The following ATP1B2 variants were observed in gnomAD, a reference collection of about 807,000 sequenced individuals.
ATP1B2 encodes the protein sodium/potassium-transporting ATPase subunit beta-2.
A neutral mutation model predicts 37.3 loss-of-function variants in ATP1B2; 12 were observed. The ratio of observed to expected loss-of-function variants is 0.32; its 90% CI spans 0.21 to 0.52. The LOEUF is 0.52. Among genes scored for constraint, ATP1B2 ranks in the 20% least tolerant of loss-of-function variants. ATP1B2 has a pLI of 0.96. For missense variants in ATP1B2, 324 were observed against 391.6 expected (o/e 0.83, Z 1.46); for synonymous variants, 139 against 140.5 (o/e 0.99, Z 0.07).
upstream of ATP1B2, among the ~76,000 whole-genome samples, chr17:7,647,186 A>G (rs2072580431): frequency 6.6e-6 from 1 of 151,872 alleles, no homozygotes; most frequent in Non-Finnish European, 1.5e-5. Context: ...TTGGCTATGA[A>G]CGTGGAAAGG....
chr17:7,650,694 C>T (rs936482277), upstream of ATP1B2, among the ~76,000 whole-genome samples: 2 of 152,102 alleles, frequency 1.3e-5, no homozygotes, highest in Non-Finnish European at 2.9e-5. Context: ...CCGGACACGC[C>T]CTCTATCTCT....
Position 7,655,256 on chromosome 17 carries a change from G to T in ATP1B2, c.610-271G>T. ...TCCAGAAACTGATTCCTGAGGATGG[G>T]GTAAGAACTTGGGGTAGGAGTGGAG... On this transcript the variant is annotated intron_variant, in intron 5 of 6. Transcript: ENST00000250111. This position sits in a 1 kb window ranked among gnomAD's most constrained non-coding sequence, Gnocchi z 4.4. 3.8e-6 allele frequency: 2 copies of T among 531,284 alleles called. No homozygotes were observed. The highest frequency in any genetic ancestry group is 6.7e-6 in the Non-Finnish European group (2 of 298,868). 32.9% of individuals were successfully genotyped at this position (531,284 alleles called of 1,614,324 possible).
upstream of ATP1B2, among the ~76,000 whole-genome samples, chr17:7,647,810 C>T (rs1230145720): frequency 7.6e-6 from 1 of 132,082 alleles, no homozygotes; most frequent in Admixed American, 8.4e-5. Flanking sequence ...CAGAGTGAGA[C>T]TCCGTCTCAA....
At position 7,654,035 on chromosome 17, in the gene ATP1B2, C is replaced by T. The variant is rs1428103725; in HGVS notation, c.347-17C>T. On this transcript the variant is annotated splice_polypyrimidine_tract_variant and intron_variant, in intron 3 of 6. Coordinates refer to ENST00000250111, the MANE Select transcript of ATP1B2 (RefSeq NM_001678.5). This position sits in a 1 kb window ranked among gnomAD's most constrained non-coding sequence, Gnocchi z 4.9. Reference sequence around the variant, plus strand: ...TGGAACATCTGGCCCCTGAGTCTCTCCCTCCCACCTCTTTAGCTTACAACG... The same window carrying T: ...TGGAACATCTGGCCCCTGAGTCTCTTCCTCCCACCTCTTTAGCTTACAACG... The T allele has an allele frequency of 6.2e-7, 1 of 1,613,928 alleles. No homozygotes were observed. Among genetic ancestry groups the T allele is most frequent in the East Asian group, 2.2e-5 (1 of 44,880 alleles).
upstream of ATP1B2, among the ~76,000 whole-genome samples, chr17:7,650,015 G>A (rs1029156755): frequency 6.6e-6 from 1 of 152,138 alleles, no homozygotes; most frequent in Admixed American, 6.6e-5. Context: ...CTTAACATGT[G>A]GTATGTAGAG....
chr17:7,655,284 G>A lies in ATP1B2; in HGVS notation c.610-243G>A. On this transcript the variant is annotated intron_variant, in intron 5 of 6. Coordinates refer to ENST00000250111, the MANE Select transcript of ATP1B2 (RefSeq NM_001678.5). The surrounding 1 kb of genome is among the most constrained non-coding windows in gnomAD (Gnocchi z 4.4). ...AAGAACTTGGGGTAGGAGTGGAGTA[G>A]GAGGCTTTCGTGCCATTAGCAGCCT... 1 of 573,814 alleles carries A rather than the reference G, an allele frequency of 1.7e-6. No homozygotes were observed. The highest frequency in any genetic ancestry group is 2.1e-5 in the South Asian group (1 of 47,408). 35.5% of individuals were successfully genotyped at this position (573,814 alleles called of 1,614,324 possible).
chr17:7,653,946 G>C lies in ATP1B2; in HGVS notation c.346+1G>C. ...CAGAAGCTCAACAAGTTCTTGGAGC[G>C]TGAGTGTGGGCCTGGTTATGTGTCA... On this transcript the variant is annotated splice_donor_variant, in intron 3 of 6. Coordinates refer to ENST00000250111, the MANE Select transcript of ATP1B2 (RefSeq NM_001678.5). LOFTEE classifies it high-confidence loss of function. 2 of 1,614,118 alleles carry C rather than the reference G, an allele frequency of 1.2e-6. No homozygotes were observed. Among genetic ancestry groups the C allele is most frequent in the Non-Finnish European group, 1.7e-6 (2 of 1,179,990 alleles).
rs2072645529 is a variant in ATP1B2 at position 7,655,666 on chromosome 17, TGGTGAGCTAGGGAA to T, written c.708+44_709-49del. Reference sequence around the variant, plus strand: ...GGCCCAGGCTGATGGCGGGTGCGGGTGGTGAGCTAGGGAAGGAGGCCGCGTTGCCCCAGGCCTAG... The same window carrying T: ...GGCCCAGGCTGATGGCGGGTGCGGGTGGAGGCCGCGTTGCCCCAGGCCTAG... On this transcript the variant is annotated intron_variant, in intron 6 of 6. Transcript: ENST00000250111. The surrounding 1 kb of genome is among the most constrained non-coding windows in gnomAD (Gnocchi z 4.4). 1.2e-6 allele frequency: 2 copies of T among 1,612,704 alleles called. No homozygotes were observed.
rs1483816861 is a variant in ATP1B2, at chr17:7,654,866, C to T, written c.609+182C>T. ...CACTGTAGCTTGAACTCCGAGGGCC[C>T]CGCACTCCTCTTGCTTCTCTCTGGG... On this transcript the variant is annotated intron_variant, in intron 5 of 6. Coordinates refer to ENST00000250111, the MANE Select transcript of ATP1B2 (RefSeq NM_001678.5). This position sits in a 1 kb window ranked among gnomAD's most constrained non-coding sequence, Gnocchi z 4.9. 1 of 633,048 alleles carries T rather than the reference C, an allele frequency of 1.6e-6. No individual in the cohort carries two copies. The highest frequency in any genetic ancestry group is 2.8e-6 in the Non-Finnish European group (1 of 363,590). The allele number at this position is 633,048 out of a possible 1,614,324, so 39.2% of individuals were successfully genotyped here. A position where few individuals can be genotyped will look rare whatever the true frequency, so the allele number is the denominator to read the frequency against.
chr17:7,656,104 C>T lies in ATP1B2; in HGVS notation c.*209C>T. The T allele has an allele frequency of 3.1e-6, 2 of 644,438 alleles. No homozygotes were observed. The highest frequency in any genetic ancestry group is 5.2e-6 in the Non-Finnish European group (2 of 381,450). The allele number at this position is 644,438 out of a possible 1,614,324, so 39.9% of individuals were successfully genotyped here. A position where few individuals can be genotyped will look rare whatever the true frequency, so the allele number is the denominator to read the frequency against. ...GCCTTTCCCACCAACTTCTCCCAACCTCAGATCAGTCAGACAGGGAGCTGG... is the reference window on the plus strand; with the variant it reads ...GCCTTTCCCACCAACTTCTCCCAACTTCAGATCAGTCAGACAGGGAGCTGG... On this transcript the variant is annotated 3_prime_UTR_variant, in exon 7 of 7. Transcript: ENST00000250111.
rs535981479 is a variant in ATP1B2, at chr17:7,655,326, T to C, written c.610-201T>C. On this transcript the variant is annotated intron_variant, in intron 5 of 6. Transcript: ENST00000250111. The surrounding 1 kb of genome is among the most constrained non-coding windows in gnomAD (Gnocchi z 4.4). ...TAGCAGCCTTCAGGAGTTCCTAGAATGATGACAGGGACAGACCATCCCCTC... is the reference window on the plus strand; with the variant it reads ...TAGCAGCCTTCAGGAGTTCCTAGAACGATGACAGGGACAGACCATCCCCTC... 8.3e-6 allele frequency: 5 copies of C among 603,198 alleles called. 1 individual carries two copies. The South Asian group carries it at 1.0e-4, about 12-fold the overall frequency. The allele number at this position is 603,198 out of a possible 1,614,324, so 37.4% of individuals were successfully genotyped here.
upstream of ATP1B2, among the ~76,000 whole-genome samples, chr17:7,650,160 T>C (rs1281132888): frequency 6.6e-6 from 1 of 152,020 alleles, no homozygotes; most frequent in Admixed American, 6.5e-5. Flanking sequence ...AGTAGACACA[T>C]AAGGAGGTGA....
Position 7,654,409 on chromosome 17 carries a change from G to A in ATP1B2, c.552+152G>A. 1.8e-6 allele frequency: 2 copies of A among 1,087,740 alleles called. No individual in the cohort carries two copies. The highest frequency in any genetic ancestry group is 2.7e-6 in the Non-Finnish European group (2 of 749,264). 67.4% of individuals were successfully genotyped at this position (1,087,740 alleles called of 1,614,324 possible). ...AAAAAGAGAGGTGGGACTCTTGGAG[G>A]CTAAGCTCTGCAGTTAGAAGGCTGG... On this transcript the variant is annotated intron_variant, in intron 4 of 6. Transcript: ENST00000250111. This position sits in a 1 kb window ranked among gnomAD's most constrained non-coding sequence, Gnocchi z 4.9.
chr17:7,653,525 C>A, intron 2 of ATP1B2, 23 bp downstream of exon 2: 1 of 1,613,172 alleles, frequency 6.2e-7, no homozygotes, highest in Non-Finnish European at 8.5e-7. Flanking sequence ...GCTCCCCCTG[C>A]CAGCTACTCT....
At position 7,651,235 on chromosome 17, in the gene ATP1B2, T is replaced by C; in HGVS notation, c.-284T>C. 3 of 424,156 alleles carry C rather than the reference T, an allele frequency of 7.1e-6. No homozygotes were observed. The highest frequency in any genetic ancestry group is 6.5e-5 in the South Asian group (3 of 46,200). 26.3% of individuals were successfully genotyped at this position (424,156 alleles called of 1,614,324 possible). On this transcript the variant is annotated 5_prime_UTR_variant, in exon 1 of 7. Transcript: ENST00000250111. ...CGGTTTGGTGGGGGGTGAAGCTGCA[T>C]TCATACCCCTTCCTCTTGTTATTCT...
chr17:7,654,112 A>C lies in ATP1B2; in HGVS notation c.407A>C (p.Glu136Ala), dbSNP rs761465658. 34 of 1,614,054 alleles carry C rather than the reference A, an allele frequency of 2.1e-5. No individual in the cohort carries two copies. The highest frequency in any genetic ancestry group is 2.8e-5 in the Non-Finnish European group (33 of 1,180,040). ...NDVCRPGRYY[E>A]QPDNGVLNYP... is the part of the protein sequence containing the mutation. ...GTCTGCCGCCCTGGACGCTATTACG[A>C]ACAGCCAGATAATGGAGTCCTCAAC... is the stretch of plus-strand genomic sequence containing the variant. The change falls in exon 4 of 7, where the codon GAA becomes GCA. Residue 136 changes from glutamate to alanine, a missense_variant. By Grantham distance (107) the Glu-to-Ala change is moderately radical. Transcript: ENST00000250111. The surrounding 1 kb of genome is among the most constrained non-coding windows in gnomAD (Gnocchi z 4.9).
At chr17:7,653,781 CCTCT>C in intron 2 of ATP1B2, 56 bp from the exon 3 acceptor site, 1 of 1,527,330 alleles carries the variant, frequency 6.5e-7, no homozygotes, top group Non-Finnish European at 9.0e-7. Context: ...CATTTTCTTC[CCTCT>C]GTGTGCAGTC....
intron 1 of ATP1B2, 71 bp downstream of exon 1, chr17:7,651,701 C>T: frequency 2.9e-6 from 4 of 1,367,628 alleles, no homozygotes; most frequent in Middle Eastern, 2.5e-4. Flanking sequence ...AGGGTCCCGC[C>T]GACGCGGCCC....
At chr17:7,653,569 A>G (rs1465434523) in intron 2 of ATP1B2, 67 bp downstream of exon 2, 34 of 1,590,428 alleles carry the variant, frequency 2.1e-5, no homozygotes, top group African/African-American at 4.1e-5. Flanking sequence ...TCCAGAAGGA[A>G]CTCATAGTTC....
Sources: allele counts gnomAD v4.1 joint callset (sites outside exome capture counted in the v4.1 genomes callset), GRCh38; gene constraint gnomAD v4.1.1; non-coding constraint Gnocchi (gnomAD v3.1); transcripts MANE v1.5; gene names NCBI Gene and HGNC (gene_info 2026-07-23, HGNC 2026-07-21).